ANO1: variants seen among roughly 807,000 people sequenced by gnomAD.
The protein encoded by ANO1 is anoctamin 1.
Under a neutral mutation model 124.0 loss-of-function variants are expected in ANO1, and 59 were observed. That is an observed-to-expected ratio of 0.48 (90% CI 0.39 to 0.59). ANO1 has a LOEUF of 0.59. Ranked by LOEUF, ANO1 falls within the 20% of genes least tolerant of loss-of-function variation. ANO1 has a pLI of 0.00. For missense variants in ANO1, 1,059 were observed against 1,328.0 expected (o/e 0.80, Z 3.15); for synonymous variants, 529 against 532.0 (o/e 0.99, Z 0.08).
chr11:70,091,137 GCAGA>G (rs984159751), intron 2 of ANO1, among the ~76,000 whole-genome samples: 2 of 152,226 alleles, frequency 1.3e-5, no homozygotes, highest in African/African-American at 2.4e-5. Context: ...AGCGTGGTTA[GCAGA>G]CAGAGCTGCT....
chr11:69,976,963 T>C, the ANO1 span, among the ~76,000 whole-genome samples: 33 of 152,312 alleles, frequency 2.2e-4, no homozygotes, highest in African/African-American at 7.9e-4. Flanking sequence ...GGGGCTGCTG[T>C]TAATCCTGGA....
intron 1 of ANO1, among the ~76,000 whole-genome samples, chr11:70,034,980 C>G (rs1426640726): frequency 2.6e-5 from 4 of 151,696 alleles, no homozygotes; most frequent in African/African-American, 7.3e-5. Flanking sequence ...ATCTAGTGGG[C>G]CACACCTTCC....
At chr11:70,111,314 C>G (rs763606533) in intron 6 of ANO1, 23 of 480,242 alleles carry the variant, frequency 4.8e-5, no homozygotes, top group Non-Finnish European at 8.5e-5. Flanking sequence ...GCTTCTCTAA[C>G]CACTTACAAT....
intron 1 of ANO1, among the ~76,000 whole-genome samples, chr11:70,016,917 C>T (rs990178): frequency 0.54 from 82,750 of 152,126 alleles, 23,122 homozygotes; most frequent in East Asian, 0.91. Flanking sequence ...ACATCCTGCC[C>T]CTGCTTAACT....
rs568127350 is a variant in ANO1, at chr11:70,170,830, C to T, written c.2198-57C>T. The T allele has an allele frequency of 6.3e-5, 98 of 1,554,364 alleles. No homozygotes were observed. In the South Asian group the frequency reaches 6.4e-4, roughly 10 times the overall value. Reference sequence around the variant, plus strand: ...GGCTCGGCACACGGGGTGGTGGAGTCCCCCCTTATGGGCTGTGGCTCACGG... The same window carrying T: ...GGCTCGGCACACGGGGTGGTGGAGTTCCCCCTTATGGGCTGTGGCTCACGG... On this transcript the variant is annotated intron_variant, in intron 21 of 25. Coordinates refer to ENST00000355303, the MANE Select transcript of ANO1 (RefSeq NM_018043.7).
chr11:70,125,945 A>G (rs1428892211), intron 9 of ANO1, 116 bp from the exon 10 acceptor site: 2 of 1,325,790 alleles, frequency 1.5e-6, no homozygotes, highest in Non-Finnish European at 1.0e-6. Flanking sequence ...TGCTTCTGGG[A>G]TGAGGGAACC....
At chr11:70,005,798 G>T (rs1184570176) in intron 1 of ANO1, among the ~76,000 whole-genome samples, 4 of 152,124 alleles carry the variant, frequency 2.6e-5, no homozygotes, top group Non-Finnish European at 5.9e-5. Context: ...CCAAAGCTGT[G>T]GCTTTTGACT....
At chr11:70,157,979 C>CAAAAA (rs548012147) in intron 16 of ANO1, among the ~76,000 whole-genome samples, 1 of 74,292 alleles carries the variant, frequency 1.3e-5, no homozygotes, top group African/African-American at 5.4e-5. Context: ...GACCCTGTCT[C>CAAAAA]AAAAAAAAAA....
chr11:70,085,572 C>T lies in ANO1; in HGVS notation c.109-2180C>T, dbSNP rs2044340121. 6 of 1,535,862 alleles carry T rather than the reference C, an allele frequency of 3.9e-6. No individual in the cohort carries two copies. The East Asian group carries it at 1.2e-4, about 31-fold the overall frequency. On this transcript the variant is annotated intron_variant, in intron 1 of 25. Coordinates refer to ENST00000355303, the MANE Select transcript of ANO1 (RefSeq NM_018043.7). ...GCAATGCTGTTTCCAGGAGAGGCAT[C>T]CTAGGGCCAGAGAGGCCAAGGTGCC...
At chr11:70,152,783 C>A (rs1187472706) in intron 13 of ANO1, among the ~76,000 whole-genome samples, 1 of 152,254 alleles carries the variant, frequency 6.6e-6, no homozygotes, top group African/African-American at 2.4e-5. Flanking sequence ...TTCACTGCAG[C>A]CTGGTACAGG....
At chr11:70,011,905 T>C (rs1298615128) in intron 1 of ANO1, among the ~76,000 whole-genome samples, 1 of 152,222 alleles carries the variant, frequency 6.6e-6, no homozygotes, top group Non-Finnish European at 1.5e-5. Context: ...CATTTTTCCA[T>C]AAGTTCATTC....
At chr11:70,017,562 C>T (rs1416412468) in intron 1 of ANO1, among the ~76,000 whole-genome samples, 1 of 150,688 alleles carries the variant, frequency 6.6e-6, no homozygotes, top group African/African-American at 2.4e-5. Flanking sequence ...GTCACCCAGG[C>T]TGGAGTACAG....
chr11:69,974,812 A>G, the ANO1 span, among the ~76,000 whole-genome samples: 116,191 of 151,438 alleles, frequency 0.77, 45,098 homozygotes, highest in South Asian at 0.87. Context: ...CTCTCTGTGG[A>G]TCAGGATTCC....
intron 1 of ANO1, among the ~76,000 whole-genome samples, chr11:70,006,734 A>G (rs1257592927): frequency 8.5e-6 from 1 of 117,634 alleles, no homozygotes; most frequent in Non-Finnish European, 1.6e-5. Flanking sequence ...CAGTGTTGCG[A>G]TCTTGGCTCA....
chr11:70,146,435 G>A (rs899187852), intron 11 of ANO1, among the ~76,000 whole-genome samples: 4 of 152,162 alleles, frequency 2.6e-5, no homozygotes, highest in Admixed American at 6.5e-5. Flanking sequence ...AGGGCGAGCC[G>A]GAGCGGTAGT....
chr11:70,095,760 C>T (rs551387598), intron 2 of ANO1, among the ~76,000 whole-genome samples: 11 of 152,330 alleles, frequency 7.2e-5, no homozygotes, highest in South Asian at 2.1e-4. Flanking sequence ...CCCTCACCCC[C>T]GCCGGAGCCC....
chr11:70,083,265 T>G (rs973735548), intron 1 of ANO1, among the ~76,000 whole-genome samples: 2 of 152,158 alleles, frequency 1.3e-5, no homozygotes, highest in Non-Finnish European at 2.9e-5. Context: ...TTAACAGGTT[T>G]CATCCTTCCA....
chr11:70,132,059 C>G lies in ANO1; in HGVS notation c.1238C>G (p.Ser413Cys). The G allele has an allele frequency of 6.3e-7, 1 of 1,598,860 alleles. No homozygotes were observed. Among genetic ancestry groups the G allele is most frequent in the Non-Finnish European group, 8.5e-7 (1 of 1,175,978 alleles). The change falls in exon 11 of 26, where the codon TCT becomes TGT. Residue 413 changes from serine (S) to cysteine (C), a missense_variant. Coordinates refer to ENST00000355303, the MANE Select transcript of ANO1 (RefSeq NM_018043.7). ...GACAACCCCGCCACGGTCTTCTTCT[C>G]TGTCTTCATGGCCCTCTGGGGTAAG... ...LFDNPATVFF[S>C]VFMALWAATF...
rs1313169789 is a variant in ANO1, at chr11:70,087,928, C to G, written c.285C>G (p.Val95=). The change falls in exon 2 of 26, where the codon GTC becomes GTG. Residue 95 remains valine, a synonymous_variant. Coordinates refer to ENST00000355303, the MANE Select transcript of ANO1 (RefSeq NM_018043.7). ...ACACCCCCTCTGGGGCTCGCAGCGTCAAGCAGGACCACCCCCTGCCGGGCA... is the reference window on the plus strand; with the variant it reads ...ACACCCCCTCTGGGGCTCGCAGCGTGAAGCAGGACCACCCCCTGCCGGGCA... ...HSDTPSGARS[V]KQDHPLPGKG... is the part of the protein sequence containing the mutation. The G allele has an allele frequency of 6.2e-7, 1 of 1,607,408 alleles. No individual in the cohort carries two copies. Among genetic ancestry groups the G allele is most frequent in the Non-Finnish European group, 8.5e-7 (1 of 1,177,314 alleles).
Sources: allele counts gnomAD v4.1 joint callset (sites outside exome capture counted in the v4.1 genomes callset), GRCh38; gene constraint gnomAD v4.1.1; transcripts MANE v1.5; gene names NCBI Gene and HGNC (gene_info 2026-07-23, HGNC 2026-07-21).